The following ICA1L variants were observed in gnomAD, a reference collection of about 807,000 sequenced individuals.
ICA1L encodes the protein islet cell autoantigen 1-like protein.
A neutral mutation model predicts 61.3 loss-of-function variants in ICA1L; 50 were observed. The observed-to-expected ratio is 0.82, with a 90% confidence interval of 0.65 to 1.03. The LOEUF (loss-of-function observed/expected upper bound fraction) is 1.03. Among genes scored for constraint, ICA1L ranks in the 50% least tolerant of loss-of-function variants. ICA1L has a pLI of 0.00. For synonymous variants in ICA1L, 161 were observed against 191.3 expected (o/e 0.84, Z 1.31); for missense variants, 508 against 556.7 (o/e 0.91, Z 0.88).
intron 1 of ICA1L, among the ~76,000 whole-genome samples, chr2:202,862,149 T>C (rs918374225): frequency 6.6e-6 from 1 of 150,468 alleles, no homozygotes; most frequent in Non-Finnish European, 1.5e-5. Context: ...ACTTTAGAAA[T>C]CAATAGAAAC....
At chr2:202,831,835 T>C (rs1694021242) in intron 1 of ICA1L, among the ~76,000 whole-genome samples, 1 of 152,158 alleles carries the variant, frequency 6.6e-6, no homozygotes, top group African/African-American at 2.4e-5. Flanking sequence ...TGCTTGCCAC[T>C]GGGGGTAGGT....
chr2:202,781,689 A>T (rs955182083), intron 12 of ICA1L, among the ~76,000 whole-genome samples: 1 of 152,002 alleles, frequency 6.6e-6, no homozygotes, highest in African/African-American at 2.4e-5. Context: ...GGTAAATCCC[A>T]TTCTGGTGTG....
At chr2:202,821,313 G>T in intron 4 of ICA1L, 45 bp downstream of exon 4, 1 of 1,589,916 alleles carries the variant, frequency 6.3e-7, no homozygotes, top group Non-Finnish European at 8.6e-7. Flanking sequence ...TGTCAAAACT[G>T]TCAGATTGAC....
intron 1 of ICA1L, among the ~76,000 whole-genome samples, chr2:202,866,072 A>C (rs1044876836): frequency 1.9e-4 from 29 of 152,262 alleles, no homozygotes; most frequent in African/African-American, 7.0e-4. Context: ...ACACACAGAA[A>C]TAGATCCATA....
At chr2:202,829,087 G>A (rs1426400277) in intron 1 of ICA1L, 71 bp from the exon 2 acceptor site, 2 of 1,312,082 alleles carry the variant, frequency 1.5e-6, no homozygotes, top group South Asian at 1.5e-5. Flanking sequence ...GGTGGCTCAC[G>A]CCTGTAATTC....
chr2:202,867,178 A>G (rs752303014), intron 1 of ICA1L, among the ~76,000 whole-genome samples: 9 of 152,232 alleles, frequency 5.9e-5, no homozygotes, highest in Non-Finnish European at 1.3e-4. Context: ...ATATATGAAG[A>G]ATAATTACAA....
At chr2:202,840,302 G>A in intron 1 of ICA1L, 1 of 458,056 alleles carries the variant, frequency 2.2e-6, no homozygotes, top group Admixed American at 2.4e-5. Flanking sequence ...CTGCAGGAGG[G>A]GCACACTGGG....
intron 2 of ICA1L, among the ~76,000 whole-genome samples, chr2:202,828,513 G>A (rs1412878141): frequency 6.6e-6 from 1 of 152,136 alleles, no homozygotes; most frequent in Non-Finnish European, 1.5e-5. Context: ...TCACATCAAA[G>A]TACTACAAAA....
chr2:202,845,346 G>A lies in ICA1L; in HGVS notation c.-7-16330C>T, dbSNP rs1694437447. ...AATTTCTTCATAAAAGATACTTGAG[G>A]CCCGGCATGGTGGCTCATACCTGTA... On this transcript the variant is annotated intron_variant, in intron 1 of 12. Coordinates refer to ENST00000358299, the MANE Select transcript of ICA1L (RefSeq NM_001288622.3). Among the ~76,000 whole-genome samples the A allele has an allele frequency of 2.0e-5, 3 of 152,106 alleles. No individual in the cohort carries two copies. The South Asian group carries it at 6.2e-4, about 32-fold the overall frequency.
chr2:202,780,855 G>C (rs1296518975), intron 12 of ICA1L, among the ~76,000 whole-genome samples: 5 of 152,006 alleles, frequency 3.3e-5, no homozygotes, highest in African/African-American at 1.2e-4. Context: ...AGTAATACTG[G>C]GCAAGTCATT....
chr2:202,820,480 A>G (rs1693670397), intron 4 of ICA1L, among the ~76,000 whole-genome samples: 1 of 152,224 alleles, frequency 6.6e-6, no homozygotes, highest in South Asian at 2.1e-4. Flanking sequence ...CCTGCCAAGT[A>G]AATCTGCCAT....
chr2:202,790,141 C>G (rs1482010335), intron 10 of ICA1L, among the ~76,000 whole-genome samples: 4 of 144,448 alleles, frequency 2.8e-5, no homozygotes, highest in Middle Eastern at 3.8e-3. Context: ...TCTAGAATTG[C>G]AAATAAAAGC....
intron 1 of ICA1L, 29 bp downstream of exon 1, chr2:202,871,590 G>C (rs538777578): frequency 6.6e-6 from 1 of 152,218 alleles, no homozygotes; most frequent in South Asian, 2.1e-4. Flanking sequence ...AGGGGGAATA[G>C]GGGCGGACAG....
chr2:202,836,324 C>T lies in ICA1L; in HGVS notation c.-7-7308G>A, dbSNP rs544264846. 5.9e-5 allele frequency among the ~76,000 whole-genome samples: 9 copies of T among 152,168 alleles called. No homozygotes were observed. In the South Asian group the frequency reaches 1.2e-3, roughly 21 times the overall value. ...TAAATATGGTGTATCACTATTGATT[C>T]GCATATGGTGAATATGCAGATTCAC... On this transcript the variant is annotated intron_variant, in intron 1 of 12. Transcript: ENST00000358299.
At chr2:202,848,748 G>T (rs1229521687) in intron 1 of ICA1L, among the ~76,000 whole-genome samples, 1 of 152,104 alleles carries the variant, frequency 6.6e-6, no homozygotes, top group East Asian at 1.9e-4. Context: ...TGTGTGTACA[G>T]ATATATATAG....
intron 12 of ICA1L, among the ~76,000 whole-genome samples, chr2:202,782,756 T>C (rs1037825820): frequency 4.6e-5 from 7 of 152,260 alleles, no homozygotes; most frequent in Admixed American, 2.0e-4. Context: ...TGAGAAGTTT[T>C]TTTTTTCCCC....
At chr2:202,815,617 A>C (rs1372261067) in intron 7 of ICA1L, among the ~76,000 whole-genome samples, 1 of 151,746 alleles carries the variant, frequency 6.6e-6, no homozygotes, top group African/African-American at 2.4e-5. Flanking sequence ...AATTAAATTA[A>C]ATTTAATTTT....
chr2:202,788,594 GA>G (rs1256697692), intron 11 of ICA1L, among the ~76,000 whole-genome samples: 1 of 152,078 alleles, frequency 6.6e-6, no homozygotes, highest in Non-Finnish European at 1.5e-5. Flanking sequence ...GAAAATCAGT[GA>G]AGAAAACATG....
At chr2:202,796,809 C>A (rs963193183) in intron 10 of ICA1L, 81 bp downstream of exon 10, 1 of 816,778 alleles carries the variant, frequency 1.2e-6, no homozygotes, top group Non-Finnish European at 1.9e-6. Flanking sequence ...CAGACAGTTT[C>A]TAATGTTAAG....
Sources: allele counts gnomAD v4.1 joint callset (sites outside exome capture counted in the v4.1 genomes callset), GRCh38; gene constraint gnomAD v4.1.1; transcripts MANE v1.5; gene names NCBI Gene and HGNC (gene_info 2026-07-23, HGNC 2026-07-21).